CNTN1: variants seen among roughly 807,000 people sequenced by gnomAD.
CNTN1 encodes contactin-1.
A neutral mutation model predicts 126.4 loss-of-function variants in CNTN1; 38 were observed. The ratio of observed to expected loss-of-function variants is 0.30; its 90% CI spans 0.23 to 0.39. CNTN1 has a LOEUF of 0.39. Among genes scored for constraint, CNTN1 ranks in the 10% least tolerant of loss-of-function variants. The pLI is 1.00. For synonymous variants in CNTN1, 413 were observed against 422.6 expected (o/e 0.98, Z 0.28); for missense variants, 1,009 against 1,248.4 (o/e 0.81, Z 2.89).
chr12:40,708,195 A>C (rs778654586), intron 1 of CNTN1, among the ~76,000 whole-genome samples: 1 of 152,152 alleles, frequency 6.6e-6, no homozygotes, highest in South Asian at 2.1e-4. Flanking sequence ...TTAATTAACT[A>C]TTGGGTTTCT....
intron 15 of CNTN1, chr12:40,971,651 A>G: frequency 6.8e-7 from 1 of 1,464,450 alleles, no homozygotes. Flanking sequence ...CCCTTTTGAA[A>G]CATGTAAACA....
chr12:40,697,120 C>A (rs182628125), intron 1 of CNTN1, among the ~76,000 whole-genome samples: 1 of 152,112 alleles, frequency 6.6e-6, no homozygotes, highest in Non-Finnish European at 1.5e-5. Context: ...CTGACCATTT[C>A]CTTATGACAC....
intron 1 of CNTN1, among the ~76,000 whole-genome samples, chr12:40,856,823 CTT>C (rs1208974905): frequency 6.6e-6 from 1 of 151,942 alleles, no homozygotes; most frequent in Non-Finnish European, 1.5e-5. Context: ...ACAAAAATAA[CTT>C]GAGAATGCAT....
intron 1 of CNTN1, among the ~76,000 whole-genome samples, chr12:40,750,583 G>A (rs559947455): frequency 6.6e-5 from 10 of 152,052 alleles, no homozygotes; most frequent in East Asian, 3.9e-4. Flanking sequence ...CCAGAGGATC[G>A]CTTGAACCCA....
intron 1 of CNTN1, among the ~76,000 whole-genome samples, chr12:40,718,706 T>A (rs769664811): frequency 1.3e-5 from 2 of 152,122 alleles, no homozygotes; most frequent in African/African-American, 4.8e-5. Flanking sequence ...CTATCCCCTA[T>A]TTAAAGATGA....
At chr12:40,965,534 CAT>C (rs1397422461) in intron 15 of CNTN1, among the ~76,000 whole-genome samples, 9 of 152,104 alleles carry the variant, frequency 5.9e-5, no homozygotes, top group African/African-American at 2.2e-4. Flanking sequence ...TACTATCTGG[CAT>C]ATGCTAATAC....
At chr12:40,872,725 C>A (rs1943545625) in intron 1 of CNTN1, among the ~76,000 whole-genome samples, 1 of 151,768 alleles carries the variant, frequency 6.6e-6, no homozygotes, top group South Asian at 2.1e-4. Context: ...TGCACACCAC[C>A]ACGCCCAGAT....
chr12:40,863,675 A>T (rs1946874791), intron 1 of CNTN1, among the ~76,000 whole-genome samples: 1 of 152,122 alleles, frequency 6.6e-6, no homozygotes, highest in Non-Finnish European at 1.5e-5. Flanking sequence ...GTAGCATTAG[A>T]TTCTCATAGG....
chr12:40,710,535 G>A (rs1312797791), intron 1 of CNTN1, among the ~76,000 whole-genome samples: 3 of 152,084 alleles, frequency 2.0e-5, no homozygotes, highest in African/African-American at 4.8e-5. Flanking sequence ...CTTGACACAC[G>A]GTTGCCACAA....
At chr12:40,867,392 G>A (rs1943333080) in intron 1 of CNTN1, among the ~76,000 whole-genome samples, 1 of 152,100 alleles carries the variant, frequency 6.6e-6, no homozygotes, top group Non-Finnish European at 1.5e-5. Flanking sequence ...ATTGGTCAAA[G>A]GACACAACAT....
intron 1 of CNTN1, chr12:40,827,941 T>G (rs1418820109): frequency 6.6e-6 from 1 of 152,176 alleles, no homozygotes; most frequent in Non-Finnish European, 1.5e-5. Flanking sequence ...TCGCCTCAGA[T>G]AGTTTCTTGC....
rs184281009 is a variant in CNTN1, at chr12:40,764,896, C to A, written c.-77+72304C>A. On this transcript the variant is annotated intron_variant, in intron 1 of 23. Transcript: ENST00000551295. The stretch of plus-strand genomic sequence containing the variant: ...TAATTTACCAACATTTGGGGATTTT[C>A]TAGTTATCTTTTGGTTTATGATTTC... Among the ~76,000 whole-genome samples the A allele has an allele frequency of 5.1e-4, 77 of 152,098 alleles. No individual in the cohort carries two copies. The South Asian group carries it at 8.9e-3, about 18-fold the overall frequency.
chr12:41,029,832 A>G (rs1949108570), intron 23 of CNTN1, among the ~76,000 whole-genome samples: 1 of 152,046 alleles, frequency 6.6e-6, no homozygotes, highest in Admixed American at 6.6e-5. Context: ...TATCTTATCT[A>G]TTCCTTTTCT....
intron 1 of CNTN1, among the ~76,000 whole-genome samples, chr12:40,727,125 C>A (rs566946727): frequency 1.3e-5 from 2 of 149,750 alleles, no homozygotes; most frequent in African/African-American, 2.4e-5. Flanking sequence ...TTTTAAAATG[C>A]GTGATACACT....
chr12:40,881,232 C>T (rs1214345488), intron 1 of CNTN1, among the ~76,000 whole-genome samples: 1 of 151,828 alleles, frequency 6.6e-6, no homozygotes, highest in African/African-American at 2.4e-5. Flanking sequence ...TGTATAATAG[C>T]ACTATGCTGA....
At chr12:40,933,377 C>T in intron 7 of CNTN1, 84 bp from the exon 8 acceptor site, 1 of 974,592 alleles carries the variant, frequency 1.0e-6, no homozygotes, top group East Asian at 2.4e-5. Flanking sequence ...TGGAGCAGCT[C>T]TAATCCTGTA....
intron 23 of CNTN1, among the ~76,000 whole-genome samples, chr12:41,042,126 C>T (rs1344148253): frequency 4.6e-5 from 7 of 151,956 alleles, no homozygotes; most frequent in African/African-American, 1.2e-4. Context: ...TCTTTGTTCT[C>T]GTTGGTTTCA....
chr12:40,905,755 T>C (rs1944785143), intron 1 of CNTN1, among the ~76,000 whole-genome samples: 1 of 152,210 alleles, frequency 6.6e-6, no homozygotes, highest in Admixed American at 6.5e-5. Context: ...AAAATATAAC[T>C]TGTCTTATTT....
At chr12:41,019,278 T>C (rs1181226685) in intron 19 of CNTN1, among the ~76,000 whole-genome samples, 1 of 152,264 alleles carries the variant, frequency 6.6e-6, no homozygotes, top group Non-Finnish European at 1.5e-5. Context: ...CCTTCTCACC[T>C]TTTTACTGCT....
Sources: allele counts gnomAD v4.1 joint callset (sites outside exome capture counted in the v4.1 genomes callset), GRCh38; gene constraint gnomAD v4.1.1; transcripts MANE v1.5; gene names NCBI Gene and HGNC (gene_info 2026-07-23, HGNC 2026-07-21).